SYNDIG1: variants seen among roughly 807,000 people sequenced by gnomAD.
SYNDIG1 encodes the protein synapse differentiation-inducing gene protein 1.
In SYNDIG1, 9 loss-of-function variants were observed where a neutral mutation model predicts 19.4. That is an observed-to-expected ratio of 0.46 (90% confidence interval 0.28 to 0.81). The LOEUF (loss-of-function observed/expected upper bound fraction) is 0.81, where lower values mean the gene tolerates loss of function less well. Among genes scored for constraint, SYNDIG1 ranks in the 30% least tolerant of loss-of-function variants. SYNDIG1 has a pLI of 0.12. For missense variants in SYNDIG1, 311 were observed against 343.3 expected, an observed-to-expected ratio of 0.91 and a Z score of 0.74; for synonymous variants, 141 against 145.9, an observed-to-expected ratio of 0.97 and a Z score of 0.24.
intron 3 of SYNDIG1, among the ~76,000 whole-genome samples, chr20:24,619,857 G>A (rs997499564): frequency 1.3e-5 from 2 of 152,176 alleles, no homozygotes; most frequent in Non-Finnish European, 2.9e-5. Flanking sequence ...TTCCATTTGA[G>A]TGGCATTGAG....
At chr20:24,578,208 C>G (rs1041054758) in intron 2 of SYNDIG1, among the ~76,000 whole-genome samples, 1 of 152,054 alleles carries the variant, frequency 6.6e-6, no homozygotes, top group African/African-American at 2.4e-5. Flanking sequence ...TTTGGGAGAC[C>G]TAGGCAGGTG....
At position 24,658,629 on chromosome 20, in the gene SYNDIG1, C is replaced by T. The variant is rs1409950897; in HGVS notation, c.619-6717C>T. 1.3e-5 allele frequency among the ~76,000 whole-genome samples: 2 copies of T among 151,492 alleles called. No individual in the cohort carries two copies. Among genetic ancestry groups the T allele is most frequent in the Admixed American group, 6.6e-5 (1 of 15,244 alleles). The stretch of plus-strand genomic sequence containing the variant: ...ATGACCCCCCACCCCCACCCCCCGG[C>T]GATTCACTGAATGTGAAATAGATTC... On this transcript the variant is annotated intron_variant, in intron 3 of 3. Coordinates refer to ENST00000376862, the MANE Select transcript of SYNDIG1 (RefSeq NM_024893.3). This position sits in a 1 kb window ranked among gnomAD's most constrained non-coding sequence, Gnocchi z 4.4.
intron 2 of SYNDIG1, among the ~76,000 whole-genome samples, chr20:24,581,433 G>A (rs1016933838): frequency 7.9e-5 from 12 of 152,054 alleles, no homozygotes; most frequent in East Asian, 1.9e-4. Context: ...GCTGAGCTGC[G>A]CACTGGAGAA....
chr20:24,480,400 C>T (rs568135419), intron 1 of SYNDIG1, among the ~76,000 whole-genome samples: 7 of 152,094 alleles, frequency 4.6e-5, no homozygotes, highest in African/African-American at 1.4e-4. Context: ...GATAATAAAA[C>T]GAAGTGTTCA....
At chr20:24,490,412 C>T (rs1182121191) in intron 1 of SYNDIG1, among the ~76,000 whole-genome samples, 8 of 152,090 alleles carry the variant, frequency 5.3e-5, no homozygotes, top group Non-Finnish European at 8.8e-5. Context: ...GAAACCAAGT[C>T]ACAGTCCTCA....
chr20:24,502,920 T>C (rs916958002), intron 1 of SYNDIG1, among the ~76,000 whole-genome samples: 1 of 152,254 alleles, frequency 6.6e-6, no homozygotes, highest in Admixed American at 6.5e-5. Flanking sequence ...TGCATTTATG[T>C]TAATTCTGCT....
intron 2 of SYNDIG1, among the ~76,000 whole-genome samples, chr20:24,548,449 T>G (rs1023803079): frequency 4.6e-5 from 7 of 152,212 alleles, no homozygotes; most frequent in Non-Finnish European, 1.0e-4. Flanking sequence ...CAGAATTCTA[T>G]AACTGCAATA....
intron 2 of SYNDIG1, among the ~76,000 whole-genome samples, chr20:24,554,875 A>C (rs1716802182): frequency 6.6e-6 from 1 of 151,740 alleles, no homozygotes; most frequent in African/African-American, 2.4e-5. Context: ...TTTCAGAAGG[A>C]ATAGTACCAG....
chr20:24,511,052 C>A (rs1037867401), intron 1 of SYNDIG1, among the ~76,000 whole-genome samples: 1 of 152,108 alleles, frequency 6.6e-6, no homozygotes, highest in African/African-American at 2.4e-5. Context: ...ATGTATTTTT[C>A]CCTGTGTGGA....
At chr20:24,478,534 T>G (rs2055700145) in intron 1 of SYNDIG1, among the ~76,000 whole-genome samples, 1 of 152,214 alleles carries the variant, frequency 6.6e-6, no homozygotes, top group Non-Finnish European at 1.5e-5. Flanking sequence ...GCATTTTTTC[T>G]CACCCACTGT....
chr20:24,625,057 G>C (rs116502313), intron 3 of SYNDIG1, among the ~76,000 whole-genome samples: 1 of 152,098 alleles, frequency 6.6e-6, no homozygotes, highest in African/African-American at 2.4e-5. Context: ...TGTTTAAAGG[G>C]AAATTTATAG....
At chr20:24,652,936 C>T (rs924262464) in intron 3 of SYNDIG1, among the ~76,000 whole-genome samples, 2 of 152,212 alleles carry the variant, frequency 1.3e-5, no homozygotes, top group Admixed American at 1.3e-4. Flanking sequence ...GCTCCTCTGC[C>T]TCCCTATCTC....
chr20:24,547,133 C>A (rs1220855381), intron 2 of SYNDIG1, among the ~76,000 whole-genome samples: 1 of 151,996 alleles, frequency 6.6e-6, no homozygotes, highest in Non-Finnish European at 1.5e-5. Context: ...AGCAGGGCCC[C>A]CTCATTGCCC....
chr20:24,510,553 G>A (rs748027183), intron 1 of SYNDIG1, among the ~76,000 whole-genome samples: 25 of 147,632 alleles, frequency 1.7e-4, no homozygotes, highest in Non-Finnish European at 3.1e-4. Flanking sequence ...TGGGTGACAA[G>A]AGTGAAACTT....
chr20:24,473,221 C>A (rs2055520808), intron 1 of SYNDIG1, among the ~76,000 whole-genome samples: 1 of 152,142 alleles, frequency 6.6e-6, no homozygotes, highest in African/African-American at 2.4e-5. Context: ...AGCAAAACAG[C>A]CTCTTGTATC....
intron 3 of SYNDIG1, among the ~76,000 whole-genome samples, chr20:24,588,939 A>G (rs2058462742): frequency 9.5e-6 from 1 of 105,090 alleles, no homozygotes; most frequent in Admixed American, 1.5e-4. Context: ...TGGGGGAGGC[A>G]TCTGGCTTGT....
intron 2 of SYNDIG1, 37 bp downstream of exon 2, chr20:24,543,614 G>A: frequency 6.3e-7 from 1 of 1,578,570 alleles, no homozygotes; most frequent in Non-Finnish European, 8.6e-7. Flanking sequence ...CTCTAAGAAT[G>A]TGTGATGGGG....
At chr20:24,556,289 C>A (rs1246786846) in intron 2 of SYNDIG1, among the ~76,000 whole-genome samples, 3 of 152,138 alleles carry the variant, frequency 2.0e-5, no homozygotes, top group African/African-American at 7.2e-5. Context: ...TTAATTGGAG[C>A]ATTTAGTCCA....
At chr20:24,537,158 C>G (rs2057378333) in intron 1 of SYNDIG1, among the ~76,000 whole-genome samples, 1 of 152,206 alleles carries the variant, frequency 6.6e-6, no homozygotes, top group Non-Finnish European at 1.5e-5. Context: ...GCCTCCTCCT[C>G]TGCTTCCTAA....
Sources: gnomAD v4.1 joint callset for allele counts (sites outside exome capture counted in the v4.1 genomes callset) on GRCh38, gnomAD v4.1.1 for gene constraint, Gnocchi (gnomAD v3.1) non-coding constraint, MANE v1.5 for transcripts, NCBI Gene and HGNC (gene_info 2026-07-23, HGNC 2026-07-21) for gene names.